Variants in ABHD4 observed in about 807,000 individuals in gnomAD.
ABHD4 encodes abhydrolase domain containing 4, N-acyl phospholipase B.
A neutral mutation model predicts 42.3 loss-of-function variants in ABHD4; 35 were observed. The ratio of observed to expected loss-of-function variants is 0.83; its 90% CI spans 0.63 to 1.10. ABHD4 has a LOEUF of 1.10. Ranked by LOEUF, ABHD4 falls within the 50% of genes least tolerant of loss-of-function variation. The pLI is 0.00. For synonymous variants in ABHD4, 169 were observed against 170.6 expected (o/e 0.99, Z 0.07); for missense variants, 389 against 454.8 (o/e 0.86, Z 1.32).
intron 5 of ABHD4, 30 bp downstream of exon 5, chr14:22,606,563 GC>G: frequency 6.7e-7 from 1 of 1,495,230 alleles, no homozygotes; most frequent in Non-Finnish European, 9.3e-7. Flanking sequence ...CCAGCTTGGG[GC>G]AGACAGTTGT....
chr14:22,606,724 T>C (rs1446388960), intron 5 of ABHD4, among the ~76,000 whole-genome samples, 191 bp downstream of exon 5: 1 of 152,082 alleles, frequency 6.6e-6, no homozygotes, highest in Non-Finnish European at 1.5e-5. Flanking sequence ...CAGAAGATAA[T>C]AGATTAATTA....
chr14:22,603,246 G>T, intron 2 of ABHD4, 144 bp from the exon 3 acceptor site: 1 of 1,052,322 alleles, frequency 9.5e-7, no homozygotes, highest in Non-Finnish European at 1.4e-6. Context: ...GTTTTCAGTG[G>T]TCAGAGGGTT....
At chr14:22,598,410 G>T in intron 1 of ABHD4, 81 bp downstream of exon 1, 2 of 1,549,970 alleles carry the variant, frequency 1.3e-6, no homozygotes, top group South Asian at 2.4e-5. Context: ...CTGAGGAACA[G>T]TTGTAGACAC....
chr14:22,598,570 A>C (rs572070694), intron 1 of ABHD4: 1 of 1,149,694 alleles, frequency 8.7e-7, no homozygotes, highest in Non-Finnish European at 1.2e-6. Flanking sequence ...CTGGCTTTCT[A>C]CCTTAGTCCT....
intron 1 of ABHD4, among the ~76,000 whole-genome samples, chr14:22,600,469 C>T: frequency 6.6e-6 from 1 of 152,146 alleles, no homozygotes; most frequent in East Asian, 1.9e-4. Flanking sequence ...CCTAAGGAAA[C>T]ATCCTAATTT....
intron 2 of ABHD4, 99 bp from the exon 3 acceptor site, chr14:22,603,291 T>C (rs1215486330): frequency 1.4e-6 from 2 of 1,479,986 alleles, no homozygotes; most frequent in Admixed American, 1.8e-5. Context: ...TTGGGGAGGG[T>C]TCGGGAATGG....
intron 1 of ABHD4, chr14:22,598,739 C>T: frequency 2.7e-6 from 1 of 366,704 alleles, no homozygotes. Context: ...ATGGAGAGAG[C>T]CTCCTCCCTC....
intron 1 of ABHD4, among the ~76,000 whole-genome samples, 195 bp from the exon 2 acceptor site, chr14:22,601,469 ATGT>A (rs1353410981): frequency 6.6e-6 from 1 of 152,192 alleles, no homozygotes; most frequent in Admixed American, 6.5e-5. Context: ...AACAAGGGGC[ATGT>A]TGTTAATACC....
intron 4 of ABHD4, among the ~76,000 whole-genome samples, chr14:22,604,879 G>C (rs1011239593): frequency 9.2e-5 from 14 of 152,152 alleles, no homozygotes; most frequent in African/African-American, 3.1e-4. Context: ...CAAAGTGCTG[G>C]GATTACAGGC....
In ABHD4 at chr14:22,601,725, C is replaced by A; in HGVS notation, c.82C>A (p.Leu28Met). Reference sequence around the variant, plus strand: ...GTGGCGCCCCACTTCCATGTCTCAGCTGAAGAATGTGGAAGCCAGGATCCT... The same window carrying A: ...GTGGCGCCCCACTTCCATGTCTCAGATGAAGAATGTGGAAGCCAGGATCCT... ...PTWRPTSMSQ[L>M]KNVEARILQC... Residue 28 changes from leucine to methionine, a missense_variant, in exon 2 of 7, where the codon CTG becomes ATG. Around this residue, in one of 3 missense-constraint regions of ABHD4, gnomAD observed 102 missense variants for 128.3 expected, o/e 0.80. Coordinates refer to ENST00000428304, the MANE Select transcript of ABHD4 (RefSeq NM_022060.3). The A allele has an allele frequency of 1.2e-6, 2 of 1,614,182 alleles. No homozygotes were observed. The highest frequency in any genetic ancestry group is 1.7e-6 in the Non-Finnish European group (2 of 1,180,020).
rs899410994 is a variant in ABHD4 at position 22,611,256 on chromosome 14, G to A, written c.*308G>A. ...GGAGGATGTGAAGGGATTGCACCAAGCCACATTCACTCTCTCTGTGGCCTT... is the reference window on the plus strand; with the variant it reads ...GGAGGATGTGAAGGGATTGCACCAAACCACATTCACTCTCTCTGTGGCCTT... On this transcript the variant is annotated 3_prime_UTR_variant, in exon 7 of 7. Transcript: ENST00000428304. 7 of 331,126 alleles carry A rather than the reference G, an allele frequency of 2.1e-5. No individual in the cohort carries two copies. Among genetic ancestry groups the A allele is most frequent in the Admixed American group, 7.9e-5 (2 of 25,162 alleles). 20.5% of individuals were successfully genotyped at this position (331,126 alleles called of 1,614,324 possible).
At chr14:22,604,236 G>T in intron 4 of ABHD4, 157 bp downstream of exon 4, 1 of 914,414 alleles carries the variant, frequency 1.1e-6, no homozygotes, top group Non-Finnish European at 1.6e-6. Context: ...GTTTGAGAAG[G>T]TTTTTTGTTT....
intron 4 of ABHD4, among the ~76,000 whole-genome samples, chr14:22,605,326 A>T (rs182989162): frequency 6.6e-6 from 1 of 152,228 alleles, no homozygotes; most frequent in Non-Finnish European, 1.5e-5. Context: ...CCTGTCTTGT[A>T]CTGATGATTG....
intron 1 of ABHD4, chr14:22,600,260 C>A: frequency 2.2e-6 from 1 of 447,592 alleles, no homozygotes; most frequent in East Asian, 7.0e-5. Flanking sequence ...CTTGAGAAAA[C>A]AGACATAAAT....
intron 1 of ABHD4, 86 bp from the exon 2 acceptor site, chr14:22,601,581 A>T: frequency 7.7e-7 from 1 of 1,294,428 alleles, no homozygotes; most frequent in Non-Finnish European, 1.1e-6. Context: ...GCTTCCTGAG[A>T]ACTCTTTTGT....
intron 6 of ABHD4, among the ~76,000 whole-genome samples, chr14:22,610,461 C>T (rs1286189873): frequency 6.6e-6 from 1 of 152,150 alleles, no homozygotes; most frequent in Non-Finnish European, 1.5e-5. Flanking sequence ...GAGCCATGGG[C>T]AGTAGAGTGA....
intron 5 of ABHD4, among the ~76,000 whole-genome samples, chr14:22,607,729 T>C (rs536537459): frequency 1.3e-5 from 2 of 152,294 alleles, no homozygotes; most frequent in Non-Finnish European, 2.9e-5. Flanking sequence ...CCCTAGCCCT[T>C]TCCCCAGAAC....
In ABHD4 at chr14:22,609,927, A is replaced by G. The variant is rs2139273791; in HGVS notation, c.939+17A>G. ...CGAGACATGGTATGTTGCACCACCC[A>G]AGGAGTGGAAATGATGACTGAGAGT... On this transcript the variant is annotated intron_variant, in intron 6 of 6. Coordinates refer to ENST00000428304, the MANE Select transcript of ABHD4 (RefSeq NM_022060.3). 6 of 1,611,164 alleles carry G rather than the reference A, an allele frequency of 3.7e-6. No individual in the cohort carries two copies. Among genetic ancestry groups the G allele is most frequent in the Non-Finnish European group, 4.2e-6 (5 of 1,178,312 alleles).
rs1007774236 is a variant in ABHD4, at chr14:22,610,994, A to G, written c.*46A>G. The G allele has an allele frequency of 6.5e-7, 1 of 1,546,118 alleles. No homozygotes were observed. The highest frequency in any genetic ancestry group is 1.4e-5 in the African/African-American group (1 of 73,458). ...AGGAGAAAGCCAGAGAGTCACTCTT[A>G]CCTCCCTGTCTGCTTACTCACCCAC... On this transcript the variant is annotated 3_prime_UTR_variant, in exon 7 of 7. Transcript: ENST00000428304.
Sources: allele counts gnomAD v4.1 joint callset (sites outside exome capture counted in the v4.1 genomes callset), GRCh38; gene constraint gnomAD v4.1.1; regional missense constraint gnomAD v4.1.1; transcripts MANE v1.5; gene names NCBI Gene and HGNC (gene_info 2026-07-23, HGNC 2026-07-21).